Variants in LRRC4C observed in about 807,000 individuals in gnomAD.
LRRC4C encodes the protein leucine rich repeat containing 4C, also known as leucine-rich repeat-containing protein 4C.
LRRC4C carries 5 observed loss-of-function variants against 33.6 expected under a neutral mutation model. That is an observed-to-expected ratio of 0.15 (90% CI 0.08 to 0.31). The LOEUF is 0.31. LRRC4C is among the 10% of genes least tolerant of loss of function. The pLI is 1.00. For missense variants in LRRC4C, 560 were observed against 796.7 expected (o/e 0.70, Z 3.58); for synonymous variants, 329 against 302.0 (o/e 1.09, Z -0.93).
chr11:40,148,036 C>A (rs980453513), intron 5 of LRRC4C, among the ~76,000 whole-genome samples: 1 of 152,110 alleles, frequency 6.6e-6, no homozygotes, highest in Non-Finnish European at 1.5e-5. Flanking sequence ...AGAATAACGG[C>A]CTCCAGCTTC....
intron 3 of LRRC4C, among the ~76,000 whole-genome samples, chr11:40,523,815 G>T (rs1221747759): frequency 5.3e-5 from 8 of 151,958 alleles, no homozygotes; most frequent in Non-Finnish European, 2.9e-5. Flanking sequence ...TTACTTGTTT[G>T]GTTGGAATTA....
intron 3 of LRRC4C, among the ~76,000 whole-genome samples, chr11:40,545,348 G>A (rs1027872609): frequency 1.8e-4 from 28 of 151,914 alleles, no homozygotes; most frequent in African/African-American, 6.8e-4. Flanking sequence ...AGAGAAAAAA[G>A]CAACTCTTCT....
At chr11:41,440,713 A>T (rs1955590711) in intron 1 of LRRC4C, among the ~76,000 whole-genome samples, 1 of 151,934 alleles carries the variant, frequency 6.6e-6, no homozygotes, top group Admixed American at 6.6e-5. Flanking sequence ...ATAGGGGCGG[A>T]TTTCCCCCTT....
chr11:41,309,596 G>T (rs1049327221), intron 1 of LRRC4C, among the ~76,000 whole-genome samples: 4 of 152,140 alleles, frequency 2.6e-5, no homozygotes, highest in African/African-American at 9.7e-5. Context: ...GAATTGAGGT[G>T]CAGTACAAGA....
At chr11:40,933,392 T>A (rs1957722150) in intron 2 of LRRC4C, among the ~76,000 whole-genome samples, 1 of 152,236 alleles carries the variant, frequency 6.6e-6, no homozygotes, top group Non-Finnish European at 1.5e-5. Context: ...CATATTAATT[T>A]ACAAACATGG....
intron 2 of LRRC4C, among the ~76,000 whole-genome samples, chr11:40,920,492 A>G (rs1205219417): frequency 3.9e-5 from 6 of 152,192 alleles, no homozygotes; most frequent in Non-Finnish European, 8.8e-5. Context: ...ATATTGGTTA[A>G]TTGAGGCTCT....
chr11:40,170,973 G>A (rs1216745800), intron 5 of LRRC4C, among the ~76,000 whole-genome samples: 2 of 152,254 alleles, frequency 1.3e-5, no homozygotes, highest in Non-Finnish European at 2.9e-5. Flanking sequence ...AATATGTAGC[G>A]AGGAAGTAGA....
At chr11:40,442,846 T>G (rs1023182838) in intron 3 of LRRC4C, among the ~76,000 whole-genome samples, 3 of 152,180 alleles carry the variant, frequency 2.0e-5, no homozygotes, top group Non-Finnish European at 4.4e-5. Context: ...GAGAGGGGGT[T>G]AGATGACCAT....
At chr11:40,194,345 C>A (rs1862077203) in intron 5 of LRRC4C, among the ~76,000 whole-genome samples, 1 of 152,110 alleles carries the variant, frequency 6.6e-6, no homozygotes, top group South Asian at 2.1e-4. Flanking sequence ...TCACATCCAG[C>A]CAAACTAAGC....
At chr11:41,447,093 C>T (rs951950743) in intron 1 of LRRC4C, among the ~76,000 whole-genome samples, 1 of 152,132 alleles carries the variant, frequency 6.6e-6, no homozygotes, top group Non-Finnish European at 1.5e-5. Context: ...TAGCATAAAG[C>T]ATGCTATGAA....
chr11:40,466,150 A>C (rs1256984517), intron 3 of LRRC4C, among the ~76,000 whole-genome samples: 1 of 152,108 alleles, frequency 6.6e-6, no homozygotes. Flanking sequence ...TCCTAAGTGA[A>C]ACAACTCAAA....
At chr11:40,134,694 T>C (rs542727409) in intron 6 of LRRC4C, among the ~76,000 whole-genome samples, 2 of 152,378 alleles carry the variant, frequency 1.3e-5, no homozygotes, top group African/African-American at 4.8e-5. Context: ...AGTAACATTA[T>C]GATTTATCTA....
At chr11:41,028,411 A>G (rs1856517415) in intron 1 of LRRC4C, among the ~76,000 whole-genome samples, 1 of 151,676 alleles carries the variant, frequency 6.6e-6, no homozygotes. Context: ...CTCAAAATCC[A>G]TCTATTTGCT....
chr11:41,194,841 T>A (rs1336266055), intron 1 of LRRC4C, among the ~76,000 whole-genome samples: 1 of 152,140 alleles, frequency 6.6e-6, no homozygotes, highest in Non-Finnish European at 1.5e-5. Context: ...TTTATAGTAA[T>A]ATTGTTATAT....
intron 3 of LRRC4C, among the ~76,000 whole-genome samples, chr11:40,399,702 C>T (rs575811347): frequency 4.6e-5 from 7 of 152,046 alleles, no homozygotes; most frequent in African/African-American, 1.7e-4. Context: ...AAAACCACCA[C>T]CACCACCACG....
intron 1 of LRRC4C, among the ~76,000 whole-genome samples, chr11:41,110,231 C>T (rs1035216333): frequency 3.3e-5 from 5 of 151,812 alleles, no homozygotes; most frequent in East Asian, 1.9e-4. Flanking sequence ...GAATTCCCAT[C>T]GATGATATAA....
At chr11:41,163,298 T>TTTTTTTTTTTTTTTTTTTTC (rs1456325870) in intron 1 of LRRC4C, among the ~76,000 whole-genome samples, 2 of 132,952 alleles carry the variant, frequency 1.5e-5, no homozygotes, top group Non-Finnish European at 3.2e-5. Context: ...TTTTTTTTTT[T>TTTTTTTTTTTTTTTTTTTTC]TTTCAAACAG....
intron 1 of LRRC4C, among the ~76,000 whole-genome samples, chr11:41,139,558 G>C (rs1038468893): frequency 1.3e-5 from 2 of 152,098 alleles, no homozygotes; most frequent in African/African-American, 4.8e-5. Flanking sequence ...AACTAGAATA[G>C]ACCTCAAAAA....
chr11:40,306,361 C>G (rs1469551238), intron 4 of LRRC4C, among the ~76,000 whole-genome samples: 1 of 152,092 alleles, frequency 6.6e-6, no homozygotes, highest in Non-Finnish European at 1.5e-5. Context: ...CTAATAATTC[C>G]TAACACAGCA....
Sources: allele counts gnomAD v4.1 joint callset (sites outside exome capture counted in the v4.1 genomes callset), GRCh38; gene constraint gnomAD v4.1.1; transcripts MANE v1.5; gene names NCBI Gene and HGNC (gene_info 2026-07-23, HGNC 2026-07-21).